MAN2A1: variants seen among roughly 807,000 people sequenced by gnomAD.
The protein encoded by MAN2A1 is alpha-mannosidase 2.
Under a neutral mutation model 142.6 loss-of-function variants are expected in MAN2A1, and 76 were observed. That is an observed-to-expected ratio of 0.53 (90% CI 0.44 to 0.65). The LOEUF (loss-of-function observed/expected upper bound fraction) is 0.65. Among genes scored for constraint, MAN2A1 ranks in the 30% least tolerant of loss-of-function variants. The probability of loss-of-function intolerance (pLI) is 0.00; values close to 1 mark genes in which losing one functional copy is unlikely to be tolerated. For synonymous variants in MAN2A1, 559 were observed against 473.2 expected (o/e 1.18, Z -2.35); for missense variants, 1,311 against 1,365.1 (o/e 0.96, Z 0.62).
At chr5:109,836,787 TC>T (rs1485376342) in intron 16 of MAN2A1, among the ~76,000 whole-genome samples, 1 of 152,116 alleles carries the variant, frequency 6.6e-6, no homozygotes, top group Non-Finnish European at 1.5e-5. Context: ...AAAGTAAAAT[TC>T]CTCTGGCATC....
intron 16 of MAN2A1, among the ~76,000 whole-genome samples, chr5:109,825,473 G>C (rs1388413390): frequency 6.6e-6 from 1 of 152,060 alleles, no homozygotes; most frequent in Non-Finnish European, 1.5e-5. Flanking sequence ...TTGCATAATT[G>C]CTTTTGCTTT....
chr5:109,846,332 G>C (rs1179566049), intron 18 of MAN2A1, among the ~76,000 whole-genome samples: 1 of 152,210 alleles, frequency 6.6e-6, no homozygotes, highest in East Asian at 1.9e-4. Context: ...TGGAAACTCA[G>C]ATTCAGAGGT....
chr5:109,826,147 C>A (rs1264171093), intron 16 of MAN2A1, among the ~76,000 whole-genome samples: 1 of 151,924 alleles, frequency 6.6e-6, no homozygotes, highest in Non-Finnish European at 1.5e-5. Flanking sequence ...CTCAGGTAAT[C>A]CACCCGCCTT....
chr5:109,706,443 GT>G (rs1293309519), intron 1 of MAN2A1, among the ~76,000 whole-genome samples: 2 of 152,216 alleles, frequency 1.3e-5, no homozygotes, highest in Admixed American at 6.5e-5. Context: ...TTCACAGCCA[GT>G]CCAAGCAATG....
At chr5:109,714,189 T>TC (rs1157946004) in intron 2 of MAN2A1, among the ~76,000 whole-genome samples, 10 of 151,856 alleles carry the variant, frequency 6.6e-5, no homozygotes, top group Non-Finnish European at 1.5e-4. Context: ...TTTTTTTTTT[T>TC]TTCTTAATAT....
At chr5:109,836,863 A>C (rs967457705) in intron 16 of MAN2A1, among the ~76,000 whole-genome samples, 1 of 152,106 alleles carries the variant, frequency 6.6e-6, no homozygotes, top group African/African-American at 2.4e-5. Context: ...TACGTGCACC[A>C]CACGGTCTTA....
chr5:109,713,426 G>T (rs1172074573), intron 1 of MAN2A1, 94 bp from the exon 2 acceptor site: 3 of 1,089,856 alleles, frequency 2.8e-6, no homozygotes, highest in East Asian at 2.4e-5. Flanking sequence ...GGCTGCCCTC[G>T]TAGGCAACCA....
intron 6 of MAN2A1, among the ~76,000 whole-genome samples, chr5:109,770,093 T>A (rs1332043787): frequency 6.6e-6 from 1 of 152,178 alleles, no homozygotes; most frequent in South Asian, 2.1e-4. Context: ...CCTGGTCAGC[T>A]GGCGCTGGTT....
rs1751447058 is a variant in MAN2A1, at chr5:109,716,186, G to T, written c.457G>T (p.Asp153Tyr). Reference sequence around the variant, plus strand: ...TGGTGGAGTTTGGAAGCAAGGATTTGACATTACTTATGAATCTAATGAATG... The same window carrying T: ...TGGTGGAGTTTGGAAGCAAGGATTTTACATTACTTATGAATCTAATGAATG... ...PDGGVWKQGF[D>Y]ITYESNEWDT... Residue 153 changes from aspartate to tyrosine, a missense_variant, in exon 3 of 22, where the codon GAC becomes TAC. Asp to Tyr is a radical substitution (Grantham distance 160). Around this residue, in one of 3 missense-constraint regions of MAN2A1, gnomAD observed 409 missense variants for 412.7 expected, o/e 0.99. Transcript: ENST00000261483. The T allele has an allele frequency of 1.2e-6, 2 of 1,611,216 alleles. No homozygotes were observed. The highest frequency in any genetic ancestry group is 1.3e-5 in the African/African-American group (1 of 74,798).
intron 17 of MAN2A1, among the ~76,000 whole-genome samples, chr5:109,844,258 A>G (rs1285114687): frequency 6.6e-6 from 1 of 152,232 alleles, no homozygotes; most frequent in East Asian, 1.9e-4. Flanking sequence ...AGAAAATATT[A>G]CTTTTAAGTC....
intron 20 of MAN2A1, chr5:109,863,860 T>C (rs1755816022): frequency 6.6e-6 from 1 of 152,242 alleles, no homozygotes; most frequent in South Asian, 2.1e-4. Context: ...TTGTGATGAC[T>C]CAGAATTCCT....
chr5:109,720,038 A>G (rs976021762), intron 3 of MAN2A1, among the ~76,000 whole-genome samples: 15 of 152,198 alleles, frequency 9.9e-5, no homozygotes, highest in African/African-American at 3.6e-4. Flanking sequence ...GTTGTATTTA[A>G]TAAGCTGATT....
intron 4 of MAN2A1, among the ~76,000 whole-genome samples, chr5:109,738,825 A>G (rs888244765): frequency 1.3e-5 from 2 of 152,024 alleles, no homozygotes; most frequent in African/African-American, 2.4e-5. Flanking sequence ...GAAGTCTTCT[A>G]TAATGGGAGA....
At chr5:109,720,771 C>T (rs1320952821) in intron 3 of MAN2A1, among the ~76,000 whole-genome samples, 2 of 152,128 alleles carry the variant, frequency 1.3e-5, no homozygotes, top group East Asian at 3.9e-4. Context: ...ACATGCAGCC[C>T]GTGGGCTGCA....
intron 7 of MAN2A1, among the ~76,000 whole-genome samples, chr5:109,772,776 C>G (rs1753184538): frequency 6.6e-6 from 1 of 152,138 alleles, no homozygotes; most frequent in Non-Finnish European, 1.5e-5. Flanking sequence ...TCCCAAAGTG[C>G]TGGGATTACA....
intron 6 of MAN2A1, among the ~76,000 whole-genome samples, 200 bp from the exon 7 acceptor site, chr5:109,770,155 A>C (rs939056559): frequency 6.6e-6 from 1 of 152,150 alleles, no homozygotes; most frequent in African/African-American, 2.4e-5. Context: ...AGGTAGATAG[A>C]GACTGAGATG....
rs768940887 is a variant in MAN2A1, at chr5:109,845,914, A to G, written c.2750A>G (p.Tyr917Cys). The change falls in exon 18 of 22, where the codon TAT (tyrosine) becomes TGT (cysteine). Residue 917 changes from tyrosine (Y) to cysteine (C), a missense_variant. Physicochemically the swap from Tyr to Cys is radical, Grantham distance 194. Transcript: ENST00000261483. Reference protein sequence around the residue: ...LSKLPLQANVYPMTTMAYIQD... With the variant: ...LSKLPLQANVCPMTTMAYIQD... The stretch of plus-strand genomic sequence containing the variant: ...AAATTGCCTCTTCAAGCAAATGTCT[A>G]TCCCATGACCACAATGGCCTATATC... 1.2e-6 allele frequency: 2 copies of G among 1,613,770 alleles called. No homozygotes were observed. The highest frequency in any genetic ancestry group is 1.1e-5 in the South Asian group (1 of 91,054).
intron 1 of MAN2A1, among the ~76,000 whole-genome samples, chr5:109,694,426 C>G (rs142883896): frequency 0.02 from 2,996 of 151,806 alleles, 49 homozygotes; most frequent in Non-Finnish European, 0.027. Flanking sequence ...CTGCAGTGGC[C>G]TTGAATTCTT....
intron 8 of MAN2A1, 81 bp from the exon 9 acceptor site, chr5:109,781,315 T>C: frequency 1.4e-6 from 1 of 724,114 alleles, no homozygotes; most frequent in Non-Finnish European, 2.2e-6. Context: ...TAAATATTTA[T>C]TATTAACTTT....
Sources: gnomAD v4.1 joint callset for allele counts (sites outside exome capture counted in the v4.1 genomes callset) on GRCh38, gnomAD v4.1.1 for gene constraint, gnomAD v4.1.1 regional missense constraint, MANE v1.5 for transcripts, NCBI Gene and HGNC (gene_info 2026-07-23, HGNC 2026-07-21) for gene names.